The following SLC25A12 variants were observed in gnomAD, a reference collection of about 807,000 sequenced individuals.
The protein encoded by SLC25A12 is solute carrier family 25 member 12.
A neutral mutation model predicts 83.3 loss-of-function variants in SLC25A12; 32 were observed. The ratio of observed to expected loss-of-function variants is 0.38; its 90% CI spans 0.29 to 0.52. The LOEUF (loss-of-function observed/expected upper bound fraction) is 0.52. Ranked by LOEUF, SLC25A12 falls within the 20% of genes least tolerant of loss-of-function variation. The pLI is 0.84. For synonymous variants in SLC25A12, 267 were observed against 291.1 expected (o/e 0.92, Z 0.84); for missense variants, 611 against 835.6 (o/e 0.73, Z 3.31).
intron 2 of SLC25A12, among the ~76,000 whole-genome samples, chr2:171,869,875 A>C (rs1019589931): frequency 6.6e-6 from 1 of 152,240 alleles, no homozygotes; most frequent in Non-Finnish European, 1.5e-5. Context: ...GAACATCCAA[A>C]TGAAGTGAAA....
chr2:171,881,436 G>A (rs180810667), intron 2 of SLC25A12, among the ~76,000 whole-genome samples: 6 of 152,188 alleles, frequency 3.9e-5, no homozygotes, highest in Non-Finnish European at 8.8e-5. Context: ...ACAGGCCATC[G>A]CGCCCGGCCA....
At chr2:171,859,348 T>C (rs1215080532) in intron 3 of SLC25A12, among the ~76,000 whole-genome samples, 1 of 152,194 alleles carries the variant, frequency 6.6e-6, no homozygotes, top group Non-Finnish European at 1.5e-5. Context: ...GACACATGCC[T>C]GTAGTCCTAG....
rs1253117549 is a variant in SLC25A12 at position 171,868,808 on chromosome 2, C to T, written c.82G>A (p.Val28Ile). 2 of 1,611,724 alleles carry T rather than the reference C, an allele frequency of 1.2e-6. No homozygotes were observed. The highest frequency in any genetic ancestry group is 2.2e-5 in the East Asian group (1 of 44,864). ...GGGGTCATATAACGCTCTCCATCAA[C>T]CTCAGTACTGGCATACTAAAAAAAT... ...NIFLQYASTEVDGERYMTPED... is the reference protein window; with the variant it reads ...NIFLQYASTEIDGERYMTPED... Residue 28 changes from valine (V) to isoleucine (I), a missense_variant, in exon 3 of 18, where the codon GTT becomes ATT. Coordinates refer to ENST00000422440, the MANE Select transcript of SLC25A12 (RefSeq NM_003705.5).
chr2:171,847,601 A>C (rs2105898157), intron 4 of SLC25A12, among the ~76,000 whole-genome samples: 1 of 152,312 alleles, frequency 6.6e-6, no homozygotes, highest in East Asian at 1.9e-4. Context: ...TGCCATGTTT[A>C]AGAATGCTAT....
chr2:171,828,848 A>G, intron 8 of SLC25A12, among the ~76,000 whole-genome samples: 1 of 152,240 alleles, frequency 6.6e-6, no homozygotes, highest in East Asian at 1.9e-4. Context: ...GAAAGCTCAC[A>G]GTGGGTCATC....
intron 2 of SLC25A12, among the ~76,000 whole-genome samples, chr2:171,887,768 T>G (rs966378125): frequency 6.6e-6 from 1 of 152,224 alleles, no homozygotes; most frequent in African/African-American, 2.4e-5. Context: ...TTAAACCAGT[T>G]GTAAAATTAC....
chr2:171,812,619 C>CG (rs3836023), intron 11 of SLC25A12, among the ~76,000 whole-genome samples: 72,430 of 151,304 alleles, frequency 0.48, 19,429 homozygotes, highest in East Asian at 0.71. Context: ...ACAAAGACAA[C>CG]GGGGGGTGGG....
At chr2:171,790,609 G>A (rs559965195) in intron 15 of SLC25A12, among the ~76,000 whole-genome samples, 6 of 152,266 alleles carry the variant, frequency 3.9e-5, no homozygotes, top group African/African-American at 1.2e-4. Flanking sequence ...CACTGGCCAC[G>A]TAGGAAAGGC....
intron 13 of SLC25A12, among the ~76,000 whole-genome samples, chr2:171,798,099 A>G (rs949548): frequency 0.82 from 124,473 of 152,128 alleles, 51,999 homozygotes; most frequent in Middle Eastern, 0.91. Context: ...TACATAAAAG[A>G]GAACAAATCT....
At chr2:171,831,028 T>C (rs1158542313) in intron 8 of SLC25A12, among the ~76,000 whole-genome samples, 2 of 152,246 alleles carry the variant, frequency 1.3e-5, no homozygotes, top group Non-Finnish European at 2.9e-5. Flanking sequence ...ACCACACAAG[T>C]GCATCAGTGA....
At chr2:171,827,807 C>T (rs1461308797) in intron 8 of SLC25A12, among the ~76,000 whole-genome samples, 11 of 152,206 alleles carry the variant, frequency 7.2e-5, no homozygotes, top group Non-Finnish European at 1.5e-5. Flanking sequence ...GCAAGTCAGC[C>T]AGGAGGTAAG....
intron 2 of SLC25A12, chr2:171,871,738 C>T (rs1443385390): frequency 2.0e-6 from 2 of 985,018 alleles, no homozygotes; most frequent in Non-Finnish European, 2.4e-6. Context: ...TATGTCTCTC[C>T]TTTCTTCTAA....
At chr2:171,814,496 T>C (rs1684008496) in intron 10 of SLC25A12, among the ~76,000 whole-genome samples, 1 of 152,074 alleles carries the variant, frequency 6.6e-6, no homozygotes, top group African/African-American at 2.4e-5. Context: ...CTTTCTTTTT[T>C]TTTTTAGTTT....
At chr2:171,850,933 CA>C (rs1684914289) in intron 4 of SLC25A12, among the ~76,000 whole-genome samples, 1 of 152,180 alleles carries the variant, frequency 6.6e-6, no homozygotes, top group Admixed American at 6.5e-5. Flanking sequence ...TTCAGAGGCA[CA>C]AATGGAACAC....
At chr2:171,857,700 T>A (rs541192928) in intron 3 of SLC25A12, among the ~76,000 whole-genome samples, 15 of 151,134 alleles carry the variant, frequency 9.9e-5, no homozygotes, top group African/African-American at 2.2e-4. Context: ...AAATTTTTTT[T>A]AAATAAAAAT....
intron 4 of SLC25A12, among the ~76,000 whole-genome samples, chr2:171,851,199 G>GT (rs1208120509): frequency 0.015 from 2,156 of 144,412 alleles, 39 homozygotes; most frequent in African/African-American, 0.044. Context: ...TTTCTTGTTT[G>GT]TTTTTTTTTT....
chr2:171,797,217 T>C (rs1004690243), intron 13 of SLC25A12, among the ~76,000 whole-genome samples: 9 of 152,202 alleles, frequency 5.9e-5, no homozygotes, highest in Non-Finnish European at 1.3e-4. Context: ...TATGCTAATG[T>C]TTGCTATTTT....
chr2:171,845,187 A>G (rs1283158665), intron 4 of SLC25A12, among the ~76,000 whole-genome samples: 1 of 152,194 alleles, frequency 6.6e-6, no homozygotes, highest in Non-Finnish European at 1.5e-5. Flanking sequence ...AGAGCTAAAT[A>G]CAGTACACTA....
intron 12 of SLC25A12, 21 bp from the exon 13 acceptor site, chr2:171,809,707 A>C (rs750265953): frequency 1.3e-6 from 2 of 1,576,578 alleles, no homozygotes; most frequent in Non-Finnish European, 1.7e-6. Flanking sequence ...AGACAACATC[A>C]GTTAACCAAA....
Sources: gnomAD v4.1 joint callset for allele counts (sites outside exome capture counted in the v4.1 genomes callset) on GRCh38, gnomAD v4.1.1 for gene constraint, MANE v1.5 for transcripts, NCBI Gene and HGNC (gene_info 2026-07-23, HGNC 2026-07-21) for gene names.